The following AGBL4 variants were observed in gnomAD, a reference collection of about 807,000 sequenced individuals.
The protein encoded by AGBL4 is cytosolic carboxypeptidase 6.
A neutral mutation model predicts 66.4 loss-of-function variants in AGBL4; 58 were observed. That is an observed-to-expected ratio of 0.87 (90% CI 0.71 to 1.09). The LOEUF is 1.09. Among genes scored for constraint, AGBL4 ranks in the 50% least tolerant of loss-of-function variants. The probability of loss-of-function intolerance (pLI) is 0.00; values close to 1 mark genes in which losing one functional copy is unlikely to be tolerated. For synonymous variants in AGBL4, 234 were observed against 222.9 expected (o/e 1.05, Z -0.44); for missense variants, 579 against 631.0 (o/e 0.92, Z 0.88).
At chr1:49,078,751 G>A (rs1171183334) in intron 4 of AGBL4, among the ~76,000 whole-genome samples, 1 of 152,040 alleles carries the variant, frequency 6.6e-6, no homozygotes, top group African/African-American at 2.4e-5. Flanking sequence ...GACCACTTCA[G>A]CACCTCTTTA....
intron 5 of AGBL4, among the ~76,000 whole-genome samples, chr1:48,993,110 T>C (rs1219338209): frequency 6.6e-6 from 1 of 152,146 alleles, no homozygotes; most frequent in Non-Finnish European, 1.5e-5. Context: ...GAAGCTCGCA[T>C]GTCTCAGGGT....
In AGBL4 at chr1:49,290,815, C is replaced by T. The variant is rs377113395; in HGVS notation, c.283-44951G>A. Among the ~76,000 whole-genome samples, 52 of 152,220 alleles carry T rather than the reference C, an allele frequency of 3.4e-4. 1 individual carries two copies. In the South Asian group the frequency reaches 9.3e-3, roughly 27 times the overall value. The stretch of plus-strand genomic sequence containing the variant: ...GATTTCAAGATCAGCCTAGGCAACA[C>T]AGTGAGACCTCGTTTTTACAAAAAA... On this transcript the variant is annotated intron_variant, in intron 3 of 13. Coordinates refer to ENST00000371839, the MANE Select transcript of AGBL4 (RefSeq NM_032785.4).
rs550820392 is a variant in AGBL4, at chr1:48,810,189, C to G, written c.634+57002G>C. Among the ~76,000 whole-genome samples, 3 of 152,338 alleles carry G rather than the reference C, an allele frequency of 2.0e-5. No homozygotes were observed. In the South Asian group the frequency reaches 6.2e-4, roughly 32 times the overall value. ...CTTGAGGCTGGCTCCTGGGGACACA[C>G]AGCCCCTGTGCTTGAGGTGCTTCTG... On this transcript the variant is annotated intron_variant, in intron 6 of 13. Coordinates refer to ENST00000371839, the MANE Select transcript of AGBL4 (RefSeq NM_032785.4).
At chr1:49,384,064 G>A (rs1644683020) in intron 3 of AGBL4, among the ~76,000 whole-genome samples, 1 of 151,716 alleles carries the variant, frequency 6.6e-6, no homozygotes, top group South Asian at 2.1e-4. Context: ...CAAAGTGCTG[G>A]GACTATAGGC....
intron 6 of AGBL4, chr1:48,817,765 T>C (rs756028874): frequency 2.6e-6 from 1 of 379,138 alleles, no homozygotes; most frequent in Non-Finnish European, 4.7e-6. Context: ...AGCCTGGTGC[T>C]GCAGCTTTGG....
At chr1:48,691,664 T>C (rs1646635393) in intron 6 of AGBL4, among the ~76,000 whole-genome samples, 1 of 152,210 alleles carries the variant, frequency 6.6e-6, no homozygotes, top group Admixed American at 6.5e-5. Flanking sequence ...TGCATAACTC[T>C]ATGGGGTAAA....
intron 3 of AGBL4, among the ~76,000 whole-genome samples, chr1:49,654,705 G>C (rs956864110): frequency 6.6e-6 from 1 of 152,084 alleles, no homozygotes; most frequent in African/African-American, 2.4e-5. Context: ...CTTGATCTTT[G>C]TTGGTTTAAA....
intron 6 of AGBL4, among the ~76,000 whole-genome samples, chr1:48,837,545 C>A (rs1558029823): frequency 6.6e-6 from 1 of 151,484 alleles, no homozygotes; most frequent in African/African-American, 2.4e-5. Context: ...GCTTCCTGCC[C>A]TTGAACAATG....
intron 11 of AGBL4, among the ~76,000 whole-genome samples, chr1:48,552,017 G>A (rs1272955236): frequency 1.3e-5 from 2 of 152,140 alleles, no homozygotes; most frequent in African/African-American, 2.4e-5. Flanking sequence ...ACCACATTAG[G>A]CAGGTTGCTG....
At chr1:49,738,456 C>T (rs1650098912) in intron 2 of AGBL4, among the ~76,000 whole-genome samples, 1 of 152,208 alleles carries the variant, frequency 6.6e-6, no homozygotes, top group African/African-American at 2.4e-5. Flanking sequence ...GCCTCCCTGC[C>T]TCTGTAGACT....
intron 6 of AGBL4, among the ~76,000 whole-genome samples, chr1:48,745,123 G>A (rs1022236723): frequency 1.6e-4 from 25 of 152,312 alleles, no homozygotes; most frequent in Non-Finnish European, 2.5e-4. Context: ...ATCTTGGAGC[G>A]TAGGGAAGCG....
chr1:48,745,126 G>C (rs1650537065), intron 6 of AGBL4, among the ~76,000 whole-genome samples: 3 of 152,210 alleles, frequency 2.0e-5, no homozygotes, highest in African/African-American at 7.2e-5. Context: ...TTGGAGCGTA[G>C]GGAAGCGCCT....
chr1:49,176,448 A>G (rs1646833551), intron 4 of AGBL4, among the ~76,000 whole-genome samples: 1 of 152,172 alleles, frequency 6.6e-6, no homozygotes, highest in South Asian at 2.1e-4. Context: ...ACGAAAATCA[A>G]TGGCACATGT....
intron 3 of AGBL4, among the ~76,000 whole-genome samples, chr1:49,425,129 A>C (rs1645627691): frequency 6.6e-6 from 1 of 152,208 alleles, no homozygotes; most frequent in African/African-American, 2.4e-5. Flanking sequence ...GAACAAGAAA[A>C]CATGAAATGT....
intron 4 of AGBL4, among the ~76,000 whole-genome samples, chr1:49,168,163 A>G (rs1557695514): frequency 6.6e-6 from 1 of 152,148 alleles, no homozygotes; most frequent in Non-Finnish European, 1.5e-5. Flanking sequence ...AACCATGCCT[A>G]TATTTTTTTT....
At chr1:50,007,085 A>C (rs985282123) in intron 1 of AGBL4, among the ~76,000 whole-genome samples, 2 of 152,218 alleles carry the variant, frequency 1.3e-5, no homozygotes, top group African/African-American at 2.4e-5. Context: ...TGAGACTTAA[A>C]ATGTAGAGTT....
intron 2 of AGBL4, among the ~76,000 whole-genome samples, chr1:49,749,901 A>C (rs1651314064): frequency 6.6e-6 from 1 of 152,192 alleles, no homozygotes; most frequent in African/African-American, 2.4e-5. Flanking sequence ...AAGCAATTTT[A>C]GTGAAAACTG....
rs577266476 is a variant in AGBL4, at chr1:48,537,966, C to T, written c.1364+1676G>A. ...GTCAGGGGCCTGGTATAAAGTGTTG[C>T]TTTTCCTGAGTGAATGAATGAATGT... On this transcript the variant is annotated intron_variant, in intron 12 of 13. Coordinates refer to ENST00000371839, the MANE Select transcript of AGBL4 (RefSeq NM_032785.4). Among the ~76,000 whole-genome samples, 4 of 152,282 alleles carry T rather than the reference C, an allele frequency of 2.6e-5. No homozygotes were observed. In the South Asian group the frequency reaches 6.2e-4, roughly 24 times the overall value.
chr1:49,035,012 G>C (rs996881484), intron 5 of AGBL4, among the ~76,000 whole-genome samples: 1 of 152,088 alleles, frequency 6.6e-6, no homozygotes, highest in Non-Finnish European at 1.5e-5. Context: ...AAGTTGTATT[G>C]TATCAGGGTA....
Sources: allele counts gnomAD v4.1 joint callset (sites outside exome capture counted in the v4.1 genomes callset), GRCh38; gene constraint gnomAD v4.1.1; transcripts MANE v1.5; gene names NCBI Gene and HGNC (gene_info 2026-07-23, HGNC 2026-07-21).